ASCC1: variants seen among roughly 807,000 people sequenced by gnomAD.
The protein encoded by ASCC1 is ASC-1 complex subunit P50.
ASCC1 carries 35 observed loss-of-function variants against 46.6 expected under a neutral mutation model. That is an observed-to-expected ratio of 0.75 (90% CI 0.57 to 0.99). The LOEUF is 0.99. Among genes scored for constraint, ASCC1 ranks in the 50% least tolerant of loss-of-function variants. ASCC1 has a pLI of 0.00. For missense variants in ASCC1, 376 were observed against 428.7 expected (o/e 0.88, Z 1.09); for synonymous variants, 143 against 146.6 (o/e 0.98, Z 0.18).
intron 7 of ASCC1, among the ~76,000 whole-genome samples, chr10:72,152,607 G>T (rs1455547514): frequency 6.6e-6 from 1 of 152,086 alleles, no homozygotes; most frequent in African/African-American, 2.4e-5. Context: ...GAAGCAGAAG[G>T]ATCCCTGGAG....
chr10:72,215,881 G>A (rs962033340), intron 1 of ASCC1: 2 of 152,414 alleles, frequency 1.3e-5, no homozygotes. Flanking sequence ...AAGGAGAAGA[G>A]GACTAGGCGG....
intron 9 of ASCC1, among the ~76,000 whole-genome samples, chr10:72,097,739 A>G (rs1446949360): frequency 6.6e-6 from 1 of 152,248 alleles, no homozygotes; most frequent in Non-Finnish European, 1.5e-5. Flanking sequence ...TACTGACCAG[A>G]TATGACCAAG....
intron 5 of ASCC1, among the ~76,000 whole-genome samples, chr10:72,164,537 A>T (rs912481662): frequency 9.2e-5 from 14 of 152,180 alleles, no homozygotes; most frequent in Non-Finnish European, 1.6e-4. Flanking sequence ...TAATTCATCT[A>T]TTGAAGATTT....
chr10:72,101,437 G>A (rs764376164), intron 9 of ASCC1, among the ~76,000 whole-genome samples: 4 of 152,162 alleles, frequency 2.6e-5, no homozygotes, highest in Admixed American at 1.3e-4. Flanking sequence ...TGGAGGAGAC[G>A]AGACCTGAGC....
chr10:72,098,729 T>C (rs776553685), intron 9 of ASCC1, among the ~76,000 whole-genome samples: 12 of 152,246 alleles, frequency 7.9e-5, no homozygotes, highest in Non-Finnish European at 1.3e-4. Context: ...CCAGTAAATA[T>C]TGATTCTTCA....
At chr10:72,098,911 C>T (rs1310062266) in intron 9 of ASCC1, among the ~76,000 whole-genome samples, 1 of 152,164 alleles carries the variant, frequency 6.6e-6, no homozygotes, top group African/African-American at 2.4e-5. Context: ...AGAAATTCAG[C>T]CTGAAATGGT....
Position 72,152,930 on chromosome 10 carries a change from C to G in ASCC1, c.685G>C (p.Asp229His). 6.2e-7 allele frequency: 1 copy of G among 1,614,124 alleles called. No homozygotes were observed. The highest frequency in any genetic ancestry group is 1.3e-5 in the African/African-American group (1 of 75,042). Residue 229 changes from aspartate (D) to histidine (H), a missense_variant, in exon 7 of 10, where the codon GAT becomes CAT. Asp to His is a moderately conservative substitution (Grantham distance 81). Coordinates refer to ENST00000672957, the MANE Select transcript of ASCC1 (RefSeq NM_001198800.3). ...AGAACATCCACCATGCCAGGATCATCATTCATGTATTCTATCCCTGCCATC... is the reference window on the plus strand; with the variant it reads ...AGAACATCCACCATGCCAGGATCATGATTCATGTATTCTATCCCTGCCATC... ...VEMAGIEYMN[D>H]DPGMVDVLYA... is the part of the protein sequence containing the mutation.
In ASCC1 at chr10:72,206,401, G is replaced by A. The variant is rs376209215; in HGVS notation, c.213-2877C>T. Among the ~76,000 whole-genome samples the A allele has an allele frequency of 1.3e-3, 190 of 151,940 alleles. 3 individuals are homozygous for A. Among genetic ancestry groups the A allele is most frequent in the African/African-American group, 3.4e-3 (140 of 41,424 alleles). ...CCTGGGCAACAAGAGCGAAACTCCC[G>A]TCTCAAAAAAAAATAAACATTAAAT... On this transcript the variant is annotated intron_variant, in intron 3 of 9. Coordinates refer to ENST00000672957, the MANE Select transcript of ASCC1 (RefSeq NM_001198800.3).
chr10:72,195,711 G>A (rs1392662154), intron 5 of ASCC1, among the ~76,000 whole-genome samples: 2 of 151,908 alleles, frequency 1.3e-5, no homozygotes, highest in African/African-American at 2.4e-5. Context: ...GCGCATGCCT[G>A]TAATCCTAGC....
intron 3 of ASCC1, among the ~76,000 whole-genome samples, chr10:72,209,639 C>A (rs1269278502): frequency 6.6e-6 from 1 of 151,998 alleles, no homozygotes; most frequent in African/African-American, 2.4e-5. Flanking sequence ...CAAAAATTAG[C>A]CAGGCATGGT....
intron 5 of ASCC1, among the ~76,000 whole-genome samples, chr10:72,196,044 G>C (rs1040758852): frequency 1.3e-5 from 2 of 152,022 alleles, no homozygotes; most frequent in Non-Finnish European, 2.9e-5. Context: ...TATCCAAAAT[G>C]AGTTTAAAAC....
intron 4 of ASCC1, among the ~76,000 whole-genome samples, chr10:72,201,290 G>A (rs1856452013): frequency 6.6e-6 from 1 of 152,124 alleles, no homozygotes; most frequent in Non-Finnish European, 1.5e-5. Context: ...TGGAAGTACA[G>A]GTATATGCCA....
intron 4 of ASCC1, among the ~76,000 whole-genome samples, chr10:72,200,278 T>A (rs542104239): frequency 7.7e-4 from 118 of 152,294 alleles, no homozygotes; most frequent in African/African-American, 2.7e-3. Flanking sequence ...GTTCGTATTA[T>A]AAGAGACTTC....
At chr10:72,197,959 T>C (rs1158006132) in intron 4 of ASCC1, among the ~76,000 whole-genome samples, 1 of 117,568 alleles carries the variant, frequency 8.5e-6, no homozygotes, top group Non-Finnish European at 1.6e-5. Context: ...ACTTACCATA[T>C]AACCCAGAAA....
chr10:72,196,876 T>C lies in ASCC1; in HGVS notation c.424A>G (p.Asn142Asp), dbSNP rs766652867. ...PFTHFLAFFL[N>D]EVEVQEGFLR... The stretch of plus-strand genomic sequence containing the variant: ...AATCCTTCCTGAACCTCAACTTCAT[T>C]GAGGAAAAAGGCAAGGAAGTGAGTG... Residue 142 changes from asparagine to aspartate, a missense_variant, in exon 5 of 10, where the codon AAT (asparagine) becomes GAT (aspartate). Transcript: ENST00000672957. The C allele has an allele frequency of 6.2e-7, 1 of 1,613,426 alleles. No individual in the cohort carries two copies. The highest frequency in any genetic ancestry group is 1.1e-5 in the South Asian group (1 of 91,080).
At chr10:72,195,100 G>T (rs1395036471) in intron 5 of ASCC1, among the ~76,000 whole-genome samples, 2 of 142,680 alleles carry the variant, frequency 1.4e-5, no homozygotes, top group Non-Finnish European at 3.0e-5. Flanking sequence ...CACGAAGTAG[G>T]TTTTGTGGGT....
chr10:72,128,656 A>G (rs1363806703), intron 8 of ASCC1, among the ~76,000 whole-genome samples: 1 of 152,224 alleles, frequency 6.6e-6, no homozygotes, highest in Non-Finnish European at 1.5e-5. Context: ...GAGGAAAAAG[A>G]GCCCTTCAGT....
At chr10:72,164,727 GAACT>G (rs1850127464) in intron 5 of ASCC1, among the ~76,000 whole-genome samples, 11 of 152,166 alleles carry the variant, frequency 7.2e-5, no homozygotes, top group Admixed American at 7.2e-4. Flanking sequence ...TACATTGGCT[GAACT>G]AACAAACATT....
intron 8 of ASCC1, 42 bp from the exon 9 acceptor site, chr10:72,128,209 T>G (rs1845120010): frequency 1.3e-6 from 2 of 1,562,952 alleles, no homozygotes; most frequent in African/African-American, 1.4e-5. Flanking sequence ...TTAGATTGAT[T>G]GGTTGTTTTC....
Sources: allele counts gnomAD v4.1 joint callset (sites outside exome capture counted in the v4.1 genomes callset), GRCh38; gene constraint gnomAD v4.1.1; transcripts MANE v1.5; gene names NCBI Gene and HGNC (gene_info 2026-07-23, HGNC 2026-07-21).